The following PRKN variants were observed in gnomAD, a reference collection of about 807,000 sequenced individuals.
The protein encoded by PRKN is E3 ubiquitin-protein ligase parkin.
PRKN carries 56 observed loss-of-function variants against 59.5 expected under a neutral mutation model. The ratio of observed to expected loss-of-function variants is 0.94; its 90% confidence interval spans 0.76 to 1.18. PRKN has a LOEUF of 1.18. PRKN is among the 50% of genes most tolerant of loss of function. PRKN has a pLI of 0.00. For missense variants in PRKN, 657 were observed against 596.4 expected (o/e 1.10, Z -1.06); for synonymous variants, 250 against 222.1 (o/e 1.13, Z -1.12).
chr6:161,789,515 C>A (rs575988768), intron 6 of PRKN, among the ~76,000 whole-genome samples: 2 of 152,268 alleles, frequency 1.3e-5, no homozygotes, highest in Admixed American at 6.5e-5. Flanking sequence ...ATATTCAAAG[C>A]CAAATCACAA....
rs772559791 is a variant in PRKN, at chr6:161,575,062, T to C, written c.872-5646A>G. Among the ~76,000 whole-genome samples the C allele has an allele frequency of 4.6e-5, 7 of 152,224 alleles. No individual in the cohort carries two copies. The highest frequency in any genetic ancestry group is 1.0e-4 in the Non-Finnish European group (7 of 68,040). The stretch of plus-strand genomic sequence containing the variant: ...AGTTTGTGCTCTTCTGTCGTGTTTT[T>C]CCTCTAGTTATTAAACCCATCACTC... On this transcript the variant is annotated intron_variant, in intron 7 of 11. Coordinates refer to ENST00000366898, the MANE Select transcript of PRKN (RefSeq NM_004562.3). The surrounding 1 kb of genome is among the most constrained non-coding windows in gnomAD (Gnocchi z 4.6).
intron 1 of PRKN, among the ~76,000 whole-genome samples, chr6:162,605,714 C>T (rs1320565623): frequency 2.6e-5 from 4 of 151,994 alleles, no homozygotes; most frequent in Non-Finnish European, 5.9e-5. Context: ...TTATTATACC[C>T]AAACAGCAAA....
rs184993508 is a variant in PRKN at position 161,444,257 on chromosome 6, C to A, written c.1084-57380G>T. Among the ~76,000 whole-genome samples the A allele has an allele frequency of 3.3e-5, 5 of 152,314 alleles. No individual in the cohort carries two copies. The East Asian group carries it at 5.8e-4, about 18-fold the overall frequency. ...AGGAAATCCTCTTGCCTGGAAGAGG[C>A]TCCCAATCATCTGTCAACTTGTCTT... On this transcript the variant is annotated intron_variant, in intron 9 of 11. Coordinates refer to ENST00000366898, the MANE Select transcript of PRKN (RefSeq NM_004562.3). The surrounding 1 kb of genome is among the most constrained non-coding windows in gnomAD (Gnocchi z 5.6).
At chr6:162,146,473 A>ATT (rs1300755662) in intron 4 of PRKN, among the ~76,000 whole-genome samples, 1 of 150,870 alleles carries the variant, frequency 6.6e-6, no homozygotes, top group African/African-American at 2.4e-5. Context: ...CTAAACATAT[A>ATT]TATATACGTA....
intron 3 of PRKN, among the ~76,000 whole-genome samples, chr6:162,260,545 A>T (rs186232094): frequency 2.8e-4 from 43 of 152,268 alleles, no homozygotes; most frequent in African/African-American, 8.7e-4. Flanking sequence ...AGAGAGAGAG[A>T]GTCAGTTGAA....
At chr6:161,614,684 T>A (rs1294750987) in intron 7 of PRKN, among the ~76,000 whole-genome samples, 1 of 152,270 alleles carries the variant, frequency 6.6e-6, no homozygotes, top group Non-Finnish European at 1.5e-5. Context: ...ACAGTGGGAA[T>A]GTCTAGTTTT....
At chr6:161,733,783 A>AAAAAATATATATATATATAT (rs35360887) in intron 7 of PRKN, among the ~76,000 whole-genome samples, 1 of 86,228 alleles carries the variant, frequency 1.2e-5, no homozygotes, top group African/African-American at 8.8e-5. Context: ...AAAAAAAAAA[A>AAAAAATATATATATATATAT]ATATATATAT....
At chr6:161,422,915 T>G (rs1204336669) in intron 9 of PRKN, among the ~76,000 whole-genome samples, 1 of 152,174 alleles carries the variant, frequency 6.6e-6, no homozygotes, top group South Asian at 2.1e-4. Context: ...GCAGCCCTTT[T>G]CTAGGGCTGA....
intron 1 of PRKN, among the ~76,000 whole-genome samples, chr6:162,646,698 C>T (rs1359684665): frequency 1.3e-5 from 2 of 152,156 alleles, no homozygotes; most frequent in African/African-American, 4.8e-5. Context: ...ATAGAGTGCA[C>T]TTGCACAGAC....
At chr6:162,174,503 A>G (rs1783443866) in intron 4 of PRKN, among the ~76,000 whole-genome samples, 1 of 152,090 alleles carries the variant, frequency 6.6e-6, no homozygotes, top group Non-Finnish European at 1.5e-5. Flanking sequence ...ATTTCTATAT[A>G]TCTTAACTCT....
chr6:161,539,188 CTATT>C (rs1474384895), intron 9 of PRKN, among the ~76,000 whole-genome samples: 2 of 152,204 alleles, frequency 1.3e-5, no homozygotes, highest in African/African-American at 2.4e-5. Flanking sequence ...ACTATTTAAA[CTATT>C]TAAACATTTT....
At chr6:162,267,461 G>A (rs1222996414) in intron 2 of PRKN, among the ~76,000 whole-genome samples, 1 of 152,164 alleles carries the variant, frequency 6.6e-6, no homozygotes, top group East Asian at 1.9e-4. Context: ...GAGATTTTCG[G>A]TGGGAAGACA....
chr6:161,570,276 T>C (rs1286327381), intron 7 of PRKN, among the ~76,000 whole-genome samples: 1 of 146,350 alleles, frequency 6.8e-6, no homozygotes, highest in Non-Finnish European at 1.5e-5. Context: ...CATATATAAA[T>C]TATATATGTA....
At position 162,056,967 on chromosome 6, in the gene PRKN, TCGCTTCATA is replaced by T. The variant is rs965754184; in HGVS notation, c.535-2802_535-2794del. ...ACTCCTCCCCCTGGGCCTTTTCCCC[TCGCTTCATA>T]TCCTTTTGTTGTAGTGAATCTTAGC... is the stretch of plus-strand genomic sequence containing the variant. On this transcript the variant is annotated intron_variant, in intron 4 of 11. Coordinates refer to ENST00000366898, the MANE Select transcript of PRKN (RefSeq NM_004562.3). This position sits in a 1 kb window ranked among gnomAD's most constrained non-coding sequence, Gnocchi z 4.9. 7.9e-5 allele frequency among the ~76,000 whole-genome samples: 12 copies of T among 152,080 alleles called. No individual in the cohort carries two copies. Among genetic ancestry groups the T allele is most frequent in the African/African-American group, 2.9e-4 (12 of 41,404 alleles).
Position 161,549,107 on chromosome 6 carries a change from T to A in PRKN, c.934-104A>T. ...GGATTTCTTGCTTAACCAGTTTCAG[T>A]AAAATAATGCATGTGTGTGTGTGTG... On this transcript the variant is annotated intron_variant, in intron 8 of 11. Transcript: ENST00000366898. The surrounding 1 kb of genome is among the most constrained non-coding windows in gnomAD (Gnocchi z 6.0). 2 of 1,285,418 alleles carry A rather than the reference T, an allele frequency of 1.6e-6. No individual in the cohort carries two copies. The highest frequency in any genetic ancestry group is 2.2e-6 in the Non-Finnish European group (2 of 896,336). The allele number at this position is 1,285,418 out of a possible 1,614,324, so 79.6% of individuals were successfully genotyped here. A position where few individuals can be genotyped will look rare whatever the true frequency, so the allele number is the denominator to read the frequency against.
In PRKN at chr6:161,448,795, C is replaced by T. The variant is rs1374173820; in HGVS notation, c.1084-61918G>A. ...TAGCTGTTCCTCTACCCTTTCGTTT[C>T]TTTGCTGGACAATCCTTATAAGCTG... On this transcript the variant is annotated intron_variant, in intron 9 of 11. Transcript: ENST00000366898. This position sits in a 1 kb window ranked among gnomAD's most constrained non-coding sequence, Gnocchi z 5.1. Among the ~76,000 whole-genome samples the T allele has an allele frequency of 6.6e-6, 1 of 152,206 alleles. No homozygotes were observed. The highest frequency in any genetic ancestry group is 1.5e-5 in the Non-Finnish European group (1 of 68,040).
intron 2 of PRKN, among the ~76,000 whole-genome samples, chr6:162,363,590 T>C (rs1448606305): frequency 1.4e-5 from 2 of 145,400 alleles, no homozygotes; most frequent in African/African-American, 5.2e-5. Flanking sequence ...TTTCTTGTTC[T>C]TTTTAAAAAT....
intron 2 of PRKN, among the ~76,000 whole-genome samples, chr6:162,382,872 C>G (rs533515582): frequency 4.6e-5 from 7 of 152,314 alleles, no homozygotes; most frequent in African/African-American, 1.4e-4. Context: ...CCTTGGATGT[C>G]ATTTCAACAA....
chr6:161,658,461 A>T (rs1051445447), intron 7 of PRKN, among the ~76,000 whole-genome samples: 9 of 152,260 alleles, frequency 5.9e-5, no homozygotes, highest in African/African-American at 2.2e-4. Flanking sequence ...AAAGTCAACC[A>T]GTGGAAACAT....
Sources: allele counts gnomAD v4.1 joint callset (sites outside exome capture counted in the v4.1 genomes callset), GRCh38; gene constraint gnomAD v4.1.1; non-coding constraint Gnocchi (gnomAD v3.1); transcripts MANE v1.5; gene names NCBI Gene and HGNC (gene_info 2026-07-23, HGNC 2026-07-21).